DLG2: variants seen among roughly 807,000 people sequenced by gnomAD.
DLG2 encodes the protein disks large homolog 2.
In DLG2, 45 loss-of-function variants were observed where a neutral mutation model predicts 132.5. That is an observed-to-expected ratio of 0.34 (90% confidence interval 0.27 to 0.44). The LOEUF (loss-of-function observed/expected upper bound fraction) is 0.44. Ranked by LOEUF, DLG2 falls within the 20% of genes least tolerant of loss-of-function variation. DLG2 has a pLI of 1.00. For synonymous variants in DLG2, 424 were observed against 419.6 expected (o/e 1.01, Z -0.13); for missense variants, 1,045 against 1,196.9 (o/e 0.87, Z 1.87).
intron 6 of DLG2, among the ~76,000 whole-genome samples, chr11:84,769,036 T>A (rs2068851749): frequency 6.6e-6 from 1 of 152,142 alleles, no homozygotes; most frequent in Non-Finnish European, 1.5e-5. Flanking sequence ...TGCCAGTGTC[T>A]TCAGATGAGT....
chr11:84,146,000 A>T (rs1197316289), intron 9 of DLG2, among the ~76,000 whole-genome samples: 2 of 152,230 alleles, frequency 1.3e-5, no homozygotes, highest in Non-Finnish European at 2.9e-5. Flanking sequence ...TCAGATAGTT[A>T]ACACTGCAAA....
chr11:84,977,890 A>G (rs2055151294), intron 6 of DLG2, among the ~76,000 whole-genome samples: 1 of 152,140 alleles, frequency 6.6e-6, no homozygotes. Flanking sequence ...TTAAATTTCA[A>G]TGTCTGAAGG....
At chr11:84,301,653 A>G (rs1404649947) in intron 7 of DLG2, among the ~76,000 whole-genome samples, 10 of 142,020 alleles carry the variant, frequency 7.0e-5, no homozygotes, top group African/African-American at 2.7e-4. Context: ...GCGAGACTCA[A>G]AAAAAAAAAA....
chr11:84,779,219 T>C (rs1197911590), intron 6 of DLG2, among the ~76,000 whole-genome samples: 2 of 152,038 alleles, frequency 1.3e-5, no homozygotes, highest in Non-Finnish European at 2.9e-5. Context: ...CACACATATA[T>C]ATGTATATAT....
At chr11:84,979,231 T>C (rs896826871) in intron 6 of DLG2, among the ~76,000 whole-genome samples, 4 of 152,144 alleles carry the variant, frequency 2.6e-5, no homozygotes, top group East Asian at 1.9e-4. Flanking sequence ...AGTTCAACCA[T>C]TGTGGTAGGC....
At chr11:84,725,675 A>G (rs1043158992) in intron 6 of DLG2, among the ~76,000 whole-genome samples, 1 of 152,190 alleles carries the variant, frequency 6.6e-6, no homozygotes, top group African/African-American at 2.4e-5. Flanking sequence ...TGATTGACCA[A>G]TCTAGTTAAC....
chr11:84,974,470 AAAAT>A (rs1337903649), intron 6 of DLG2, among the ~76,000 whole-genome samples: 2 of 152,234 alleles, frequency 1.3e-5, no homozygotes, highest in African/African-American at 2.4e-5. Flanking sequence ...ACTGGGTTGC[AAAAT>A]AAATAATTAA....
At position 84,898,571 on chromosome 11, in the gene DLG2, A is replaced by T. The variant is rs570124214; in HGVS notation, c.357+213090T>A. On this transcript the variant is annotated intron_variant, in intron 6 of 27. Coordinates refer to ENST00000376104, the MANE Select transcript of DLG2 (RefSeq NM_001142699.3). ...AAAACCAAATGCCAAATTTAGAATT[A>T]TTTCTGTTACTATCCCACTTAATAT... Among the ~76,000 whole-genome samples, 14 of 152,038 alleles carry T rather than the reference A, an allele frequency of 9.2e-5. No homozygotes were observed. The East Asian group carries it at 2.5e-3, about 27-fold the overall frequency.
At chr11:85,540,917 A>G (rs778349772) in intron 3 of DLG2, among the ~76,000 whole-genome samples, 1 of 152,240 alleles carries the variant, frequency 6.6e-6, no homozygotes, top group Non-Finnish European at 1.5e-5. Flanking sequence ...TCCCATTTCA[A>G]TACAAATTAT....
intron 18 of DLG2, among the ~76,000 whole-genome samples, chr11:83,675,669 T>C (rs1305340962): frequency 6.6e-6 from 1 of 152,212 alleles, no homozygotes; most frequent in Non-Finnish European, 1.5e-5. Context: ...CAAATTTTTG[T>C]GAGACTGATA....
intron 6 of DLG2, among the ~76,000 whole-genome samples, chr11:84,843,023 G>C (rs1156750622): frequency 6.6e-6 from 1 of 151,908 alleles, no homozygotes; most frequent in Non-Finnish European, 1.5e-5. Context: ...TAAAGTTTAA[G>C]TTATGAAATG....
intron 19 of DLG2, chr11:83,631,167 C>CTTTTTTTTT (rs57696126): frequency 1.3e-4 from 12 of 91,630 alleles, no homozygotes; most frequent in African/African-American, 1.7e-4. Context: ...TTGCTTCTTG[C>CTTTTTTTTT]TTTTTTTTTT....
At chr11:84,981,637 T>C (rs924697907) in intron 6 of DLG2, among the ~76,000 whole-genome samples, 1 of 152,138 alleles carries the variant, frequency 6.6e-6, no homozygotes, top group Admixed American at 6.5e-5. Flanking sequence ...TGAAAACTTA[T>C]TAAGAAGCCC....
Position 83,504,121 on chromosome 11 carries a change from GT to G in DLG2, c.2194-19894del, listed in dbSNP as rs199616153. ...TAGTACAGGTTACATGCACAAACAT[GT>G]TTTTAACAAAAGAAGGAGGAAATCC... On this transcript the variant is annotated intron_variant, in intron 21 of 27. Coordinates refer to ENST00000376104, the MANE Select transcript of DLG2 (RefSeq NM_001142699.3). Among the ~76,000 whole-genome samples, 855 of 152,250 alleles carry G rather than the reference GT, an allele frequency of 5.6e-3. 12 individuals are homozygous for G. The highest frequency in any genetic ancestry group is 0.019 in the African/African-American group (804 of 41,554).
Position 85,088,699 on chromosome 11 carries a change from G to A in DLG2, c.357+22962C>T, listed in dbSNP as rs144396322. On this transcript the variant is annotated intron_variant, in intron 6 of 27. Coordinates refer to ENST00000376104, the MANE Select transcript of DLG2 (RefSeq NM_001142699.3). ...TTCCCCTGCGTTCCCAGTATGGAATGTCTAATATTTGATACATGCTTAATA... is the reference window on the plus strand; with the variant it reads ...TTCCCCTGCGTTCCCAGTATGGAATATCTAATATTTGATACATGCTTAATA... 3.0e-3 allele frequency among the ~76,000 whole-genome samples: 464 copies of A among 152,266 alleles called. 4 individuals are homozygous for A. Among genetic ancestry groups the A allele is most frequent in the African/African-American group, 0.011 (450 of 41,564 alleles).
At chr11:84,391,655 T>A (rs1037254378) in intron 7 of DLG2, among the ~76,000 whole-genome samples, 1 of 152,174 alleles carries the variant, frequency 6.6e-6, no homozygotes, top group Admixed American at 6.5e-5. Flanking sequence ...TTCCTGAGCA[T>A]TTAATAGTAT....
chr11:84,843,240 A>C (rs2154010984), intron 6 of DLG2, among the ~76,000 whole-genome samples: 1 of 151,948 alleles, frequency 6.6e-6, no homozygotes, highest in Non-Finnish European at 1.5e-5. Flanking sequence ...AATTGTATAC[A>C]TCAAATACAT....
intron 8 of DLG2, among the ~76,000 whole-genome samples, chr11:84,241,058 A>G (rs2097219201): frequency 6.6e-6 from 1 of 152,186 alleles, no homozygotes; most frequent in African/African-American, 2.4e-5. Flanking sequence ...TTGTACTTGC[A>G]CTTCCCTCTT....
At chr11:84,658,244 G>A (rs774005565) in intron 6 of DLG2, among the ~76,000 whole-genome samples, 14 of 152,110 alleles carry the variant, frequency 9.2e-5, no homozygotes, top group Admixed American at 3.9e-4. Flanking sequence ...TAGAAGGATC[G>A]TGGGTCCCTG....
Sources: allele counts gnomAD v4.1 joint callset (sites outside exome capture counted in the v4.1 genomes callset), GRCh38; gene constraint gnomAD v4.1.1; transcripts MANE v1.5; gene names NCBI Gene and HGNC (gene_info 2026-07-23, HGNC 2026-07-21).